Variants in RPS6KA2 observed in about 807,000 individuals in gnomAD.
RPS6KA2 encodes ribosomal protein S6 kinase alpha-2.
RPS6KA2 carries 42 observed loss-of-function variants against 91.8 expected under a neutral mutation model. The ratio of observed to expected loss-of-function variants is 0.46; its 90% CI spans 0.36 to 0.59. The LOEUF (loss-of-function observed/expected upper bound fraction) is 0.59. Among genes scored for constraint, RPS6KA2 ranks in the 20% least tolerant of loss-of-function variants. The pLI is 0.00. For missense variants in RPS6KA2, 798 were observed against 978.5 expected (o/e 0.82, Z 2.46); for synonymous variants, 414 against 393.6 (o/e 1.05, Z -0.61).
intron 8 of RPS6KA2, among the ~76,000 whole-genome samples, chr6:166,497,876 G>C (rs1229130152): frequency 6.6e-6 from 1 of 152,140 alleles, no homozygotes; most frequent in East Asian, 1.9e-4. Context: ...GAAATGCCAC[G>C]ACCCGATTGT....
At chr6:166,774,219 G>T (rs188691966) in intron 2 of RPS6KA2, among the ~76,000 whole-genome samples, 14 of 152,254 alleles carry the variant, frequency 9.2e-5, no homozygotes. Context: ...TAACACAAAA[G>T]GTGTTCCGTG....
At chr6:166,797,548 A>G (rs1439919785) in intron 2 of RPS6KA2, among the ~76,000 whole-genome samples, 1 of 152,226 alleles carries the variant, frequency 6.6e-6, no homozygotes, top group African/African-American at 2.4e-5. Flanking sequence ...AGAGAAAAGA[A>G]AATGATATTA....
At chr6:166,421,002 G>C (rs1245534018) in intron 17 of RPS6KA2, among the ~76,000 whole-genome samples, 1 of 152,178 alleles carries the variant, frequency 6.6e-6, no homozygotes, top group African/African-American at 2.4e-5. Flanking sequence ...CAAGGAGCCT[G>C]TCCTTTTCTC....
chr6:166,752,515 T>A (rs1315271735), intron 2 of RPS6KA2, among the ~76,000 whole-genome samples: 1 of 152,194 alleles, frequency 6.6e-6, no homozygotes, highest in African/African-American at 2.4e-5. Flanking sequence ...AAAGCTGACA[T>A]TAGCTAAGAA....
intron 2 of RPS6KA2, among the ~76,000 whole-genome samples, chr6:166,841,124 TAA>T (rs942697988): frequency 7.9e-6 from 1 of 127,366 alleles, no homozygotes. Context: ...CTACAAAAAA[TAA>T]AAAAAAAAAA....
chr6:166,647,998 TCA>T (rs1302525275), intron 2 of RPS6KA2, among the ~76,000 whole-genome samples: 23 of 80,882 alleles, frequency 2.8e-4, no homozygotes, highest in African/African-American at 8.9e-4. Flanking sequence ...ACGCACATGC[TCA>T]CACACGCACA....
intron 9 of RPS6KA2, 69 bp from the exon 10 acceptor site, chr6:166,488,990 G>A (rs1018170225): frequency 7.7e-5 from 104 of 1,343,558 alleles, no homozygotes; most frequent in Middle Eastern, 5.4e-4. Flanking sequence ...GAGGGCCCCA[G>A]TCAGCATTCA....
intron 14 of RPS6KA2, among the ~76,000 whole-genome samples, chr6:166,447,596 T>C (rs1369121961): frequency 6.6e-6 from 1 of 152,208 alleles, no homozygotes; most frequent in Non-Finnish European, 1.5e-5. Flanking sequence ...CTTGAGGATC[T>C]ACCCTTTTGA....
At chr6:166,848,401 A>T (rs1478158157) in intron 2 of RPS6KA2, among the ~76,000 whole-genome samples, 1 of 152,234 alleles carries the variant, frequency 6.6e-6, no homozygotes, top group Non-Finnish European at 1.5e-5. Context: ...CAGCAGTCCC[A>T]CTACTGGGTA....
chr6:166,413,784 C>T lies in RPS6KA2; in HGVS notation c.2076+10G>A, dbSNP rs766290616. ...CCCACCACTCTGTCCTCACTGTCGC[C>T]TGCCGGTACCTTCACCAGGTGCACG... On this transcript the variant is annotated intron_variant, in intron 20 of 20. Transcript: ENST00000265678. The T allele has an allele frequency of 1.2e-6, 2 of 1,613,898 alleles. No homozygotes were observed. Among genetic ancestry groups the T allele is most frequent in the South Asian group, 2.2e-5 (2 of 91,052 alleles).
intron 2 of RPS6KA2, among the ~76,000 whole-genome samples, chr6:166,744,531 A>G (rs1376002465): frequency 1.3e-5 from 2 of 152,212 alleles, no homozygotes; most frequent in Non-Finnish European, 2.9e-5. Context: ...CTCAGCCCCC[A>G]GGGACTGCCT....
intron 1 of RPS6KA2, among the ~76,000 whole-genome samples, chr6:166,625,328 C>G (rs1208535764): frequency 3.5e-5 from 2 of 57,088 alleles, no homozygotes; most frequent in Non-Finnish European, 3.0e-5. Context: ...CCACCACCCC[C>G]CCACCCCCCC....
At chr6:166,768,081 G>T (rs1778369475) in intron 2 of RPS6KA2, among the ~76,000 whole-genome samples, 1 of 152,216 alleles carries the variant, frequency 6.6e-6, no homozygotes, top group Non-Finnish European at 1.5e-5. Context: ...ATCGACAGAT[G>T]ATGGATCAAT....
At chr6:166,713,276 G>A (rs961239352) in intron 2 of RPS6KA2, among the ~76,000 whole-genome samples, 3 of 152,210 alleles carry the variant, frequency 2.0e-5, no homozygotes, top group South Asian at 2.1e-4. Flanking sequence ...CAGGCCCATA[G>A]CCGGGTTTTC....
intron 19 of RPS6KA2, among the ~76,000 whole-genome samples, chr6:166,414,727 C>G (rs1055194440): frequency 6.6e-6 from 1 of 152,224 alleles, no homozygotes; most frequent in Non-Finnish European, 1.5e-5. Context: ...CTAGCCTACC[C>G]TCCTTCCTTA....
At chr6:166,453,197 TCACACACA>T (rs149702729) in intron 12 of RPS6KA2, among the ~76,000 whole-genome samples, 7 of 141,148 alleles carry the variant, frequency 5.0e-5, no homozygotes, top group African/African-American at 1.6e-4. Flanking sequence ...TGAGACTCCA[TCACACACA>T]CACACACACA....
intron 2 of RPS6KA2, among the ~76,000 whole-genome samples, chr6:166,749,758 T>TCCTCAGGCCCCCAC (rs1562417822): frequency 3.7e-5 from 3 of 81,236 alleles, no homozygotes; most frequent in African/African-American, 1.0e-4. Context: ...CAGGCCCCCA[T>TCCTCAGGCCCCCAC]CTCCTCAGGC....
chr6:166,822,511 A>G (rs1045842529), intron 2 of RPS6KA2, among the ~76,000 whole-genome samples: 7 of 152,184 alleles, frequency 4.6e-5, no homozygotes, highest in Non-Finnish European at 1.0e-4. Context: ...CGGAGCTACA[A>G]GGAAGTAACT....
intron 2 of RPS6KA2, among the ~76,000 whole-genome samples, chr6:166,689,384 G>T (rs1333541304): frequency 6.6e-6 from 1 of 152,250 alleles, no homozygotes; most frequent in African/African-American, 2.4e-5. Flanking sequence ...GGATATGTGT[G>T]CGTGGCTTCC....
Sources: allele counts gnomAD v4.1 joint callset (sites outside exome capture counted in the v4.1 genomes callset), GRCh38; gene constraint gnomAD v4.1.1; transcripts MANE v1.5; gene names NCBI Gene and HGNC (gene_info 2026-07-23, HGNC 2026-07-21).